MAD1L1: variants seen among roughly 807,000 people sequenced by gnomAD.
The protein encoded by MAD1L1 is mitotic arrest deficient 1 like 1, also known as mitotic spindle assembly checkpoint protein MAD1.
MAD1L1 carries 95 observed loss-of-function variants against 96.9 expected under a neutral mutation model. The ratio of observed to expected loss-of-function variants is 0.98; its 90% CI spans 0.83 to 1.16. MAD1L1 has a LOEUF of 1.16. Ranked by LOEUF, MAD1L1 falls within the 50% of genes most tolerant of loss-of-function variation. The pLI is 0.00. For missense variants in MAD1L1, 1,007 were observed against 954.4 expected (o/e 1.06, Z -0.73); for synonymous variants, 473 against 396.6 (o/e 1.19, Z -2.29).
At chr7:2,211,227 G>A (rs925008953) in intron 10 of MAD1L1, among the ~76,000 whole-genome samples, 5 of 152,208 alleles carry the variant, frequency 3.3e-5, no homozygotes, top group Admixed American at 6.5e-5. Context: ...CACCAGGGAG[G>A]GCAGAGTGAA....
chr7:2,168,179 G>A (rs949666167), intron 10 of MAD1L1, among the ~76,000 whole-genome samples: 23 of 152,300 alleles, frequency 1.5e-4, no homozygotes, highest in African/African-American at 5.1e-4. Context: ...CAGCTACTCG[G>A]GAGGCTGAGG....
In MAD1L1 at chr7:2,069,205, G is replaced by C. The variant is rs753288116; in HGVS notation, c.1207C>G (p.Leu403Val). 52 of 1,599,268 alleles carry C rather than the reference G, an allele frequency of 3.3e-5. No homozygotes were observed. The highest frequency in any genetic ancestry group is 2.6e-6 in the Non-Finnish European group (3 of 1,173,472). Residue 403 changes from leucine (L) to valine (V), a missense_variant, in exon 12 of 19, where the codon CTG becomes GTG. By Grantham distance (32) the Leu-to-Val change is conservative (BLOSUM62 1). Coordinates refer to ENST00000265854, the MANE Select transcript of MAD1L1 (RefSeq NM_001013836.2). ...AGGGCATACATCACCTTGGTGAGCA[G>C]CAGGACCCGTTTCTGGAGCCTCCGG... Reference protein sequence around the residue: ...LARRLQKRVLLLTKERDGMRA... With the variant: ...LARRLQKRVLVLTKERDGMRA...
chr7:2,018,181 G>C (rs1352858321), intron 12 of MAD1L1, among the ~76,000 whole-genome samples: 1 of 152,170 alleles, frequency 6.6e-6, no homozygotes, highest in Non-Finnish European at 1.5e-5. Flanking sequence ...ACCCAACGAA[G>C]CCCACATCCT....
At chr7:2,151,711 C>A (rs889732445) in intron 10 of MAD1L1, among the ~76,000 whole-genome samples, 4 of 152,216 alleles carry the variant, frequency 2.6e-5, no homozygotes, top group African/African-American at 9.7e-5. Flanking sequence ...CCAGTGATGC[C>A]AAGACCATGA....
chr7:1,951,011 C>T (rs1779470510), intron 16 of MAD1L1, among the ~76,000 whole-genome samples: 1 of 152,268 alleles, frequency 6.6e-6, no homozygotes, highest in Non-Finnish European at 1.5e-5. Context: ...GGGACCAGCA[C>T]TGTCCTGGTC....
chr7:1,977,331 G>C (rs1292293142), intron 15 of MAD1L1, among the ~76,000 whole-genome samples: 1 of 152,264 alleles, frequency 6.6e-6, no homozygotes, highest in Non-Finnish European at 1.5e-5. Context: ...GGGGGACCCA[G>C]TGCACCCTCC....
intron 18 of MAD1L1, among the ~76,000 whole-genome samples, chr7:1,883,962 G>A (rs1462654897): frequency 6.6e-6 from 1 of 152,222 alleles, no homozygotes; most frequent in Non-Finnish European, 1.5e-5. Context: ...GCTGAAGGAA[G>A]CCTGGAGGAG....
At chr7:1,916,625 C>T (rs368077419) in intron 17 of MAD1L1, among the ~76,000 whole-genome samples, 3 of 152,192 alleles carry the variant, frequency 2.0e-5, no homozygotes, top group African/African-American at 7.2e-5. Flanking sequence ...CCAGGCCCTG[C>T]AAGGGAGTCA....
chr7:2,015,342 G>A (rs1043960282), intron 12 of MAD1L1, among the ~76,000 whole-genome samples: 4 of 152,184 alleles, frequency 2.6e-5, no homozygotes, highest in African/African-American at 7.2e-5. Flanking sequence ...GATCCCTACA[G>A]AGCAGCCAGG....
intron 12 of MAD1L1, among the ~76,000 whole-genome samples, chr7:2,030,154 A>C (rs932228605): frequency 1.3e-5 from 2 of 152,142 alleles, no homozygotes; most frequent in Non-Finnish European, 2.9e-5. Flanking sequence ...TGCCCCAGAA[A>C]CGCGGAACCC....
At chr7:2,071,943 C>T (rs1437529572) in intron 11 of MAD1L1, among the ~76,000 whole-genome samples, 1 of 152,244 alleles carries the variant, frequency 6.6e-6, no homozygotes, top group East Asian at 1.9e-4. Context: ...TCCCCCACAT[C>T]TCGCCCTGCG....
intron 16 of MAD1L1, among the ~76,000 whole-genome samples, chr7:1,945,923 C>A (rs1420538886): frequency 6.6e-6 from 1 of 152,120 alleles, no homozygotes; most frequent in Non-Finnish European, 1.5e-5. Context: ...GCCTCAAGAT[C>A]CTCCTACGCA....
At chr7:1,921,982 G>A (rs903588242) in intron 17 of MAD1L1, among the ~76,000 whole-genome samples, 1 of 152,208 alleles carries the variant, frequency 6.6e-6, no homozygotes, top group African/African-American at 2.4e-5. Context: ...TAAAAGCAAC[G>A]GAATTAACAG....
At chr7:2,156,582 G>C (rs774021814) in intron 10 of MAD1L1, among the ~76,000 whole-genome samples, 4 of 152,246 alleles carry the variant, frequency 2.6e-5, no homozygotes, top group Non-Finnish European at 5.9e-5. Flanking sequence ...CACTTTGGGA[G>C]GCCGAGGCAG....
chr7:2,028,526 C>T (rs1010781233), intron 12 of MAD1L1, among the ~76,000 whole-genome samples: 3 of 151,790 alleles, frequency 2.0e-5, no homozygotes, highest in African/African-American at 7.3e-5. Flanking sequence ...TTAATCAATG[C>T]ATTCTCAATA....
chr7:2,218,036 G>C lies in MAD1L1; in HGVS notation c.604C>G (p.Gln202Glu). 6.2e-7 allele frequency: 1 copy of C among 1,613,688 alleles called. No individual in the cohort carries two copies. The highest frequency in any genetic ancestry group is 8.5e-7 in the Non-Finnish European group (1 of 1,179,612). Reference protein sequence around the residue: ...EQLDLQHKKCQEANQKIQELQ... With the variant: ...EQLDLQHKKCEEANQKIQELQ... The stretch of plus-strand genomic sequence containing the variant: ...TCCTGGATTTTCTGATTGGCTTCCT[G>C]GCATTTTCTATTGAAAGAAAAATAC... The change falls in exon 7 of 19, where the codon CAG becomes GAG. Residue 202 changes from glutamine to glutamate, a missense_variant. Physicochemically the swap from Gln to Glu is conservative, Grantham distance 29. Coordinates refer to ENST00000265854, the MANE Select transcript of MAD1L1 (RefSeq NM_001013836.2).
intron 12 of MAD1L1, among the ~76,000 whole-genome samples, chr7:2,046,921 G>A (rs1303526383): frequency 3.9e-5 from 6 of 152,174 alleles, no homozygotes; most frequent in Non-Finnish European, 7.4e-5. Flanking sequence ...TGCACCACAC[G>A]CTGCGCACAC....
intron 13 of MAD1L1, among the ~76,000 whole-genome samples, chr7:2,012,712 G>A (rs1420168122): frequency 2.0e-5 from 3 of 152,156 alleles, no homozygotes; most frequent in African/African-American, 7.2e-5. Flanking sequence ...GGTGGTTGAG[G>A]GCTCACCCAT....
chr7:2,093,935 G>A (rs982644908), intron 11 of MAD1L1, among the ~76,000 whole-genome samples: 6 of 152,336 alleles, frequency 3.9e-5, no homozygotes, highest in South Asian at 2.1e-4. Context: ...AGCTGCTCCC[G>A]AACTCATGAC....
Sources: gnomAD v4.1 joint callset for allele counts (sites outside exome capture counted in the v4.1 genomes callset) on GRCh38, gnomAD v4.1.1 for gene constraint, MANE v1.5 for transcripts, NCBI Gene and HGNC (gene_info 2026-07-23, HGNC 2026-07-21) for gene names.